SCP2: variants seen among roughly 807,000 people sequenced by gnomAD.
SCP2 encodes the protein sterol carrier protein 2.
SCP2 carries 48 observed loss-of-function variants against 71.4 expected under a neutral mutation model. The observed-to-expected ratio is 0.67, with a 90% CI of 0.53 to 0.86. The LOEUF (loss-of-function observed/expected upper bound fraction) is 0.86, where lower values mean the gene tolerates loss of function less well. Among genes scored for constraint, SCP2 ranks in the 40% least tolerant of loss-of-function variants. SCP2 has a pLI of 0.00. For synonymous variants in SCP2, 220 were observed against 218.1 expected (o/e 1.01, Z -0.08); for missense variants, 560 against 655.6 (o/e 0.85, Z 1.59).
At chr1:52,953,897 G>A (rs929673303) in intron 4 of SCP2, among the ~76,000 whole-genome samples, 2 of 150,668 alleles carry the variant, frequency 1.3e-5, no homozygotes. Flanking sequence ...CATGCAGACT[G>A]CTTGAGCCCA....
At chr1:52,998,104 T>G (rs968259843) in intron 11 of SCP2, among the ~76,000 whole-genome samples, 1 of 152,258 alleles carries the variant, frequency 6.6e-6, no homozygotes, top group Non-Finnish European at 1.5e-5. Flanking sequence ...CCAAGTAGTA[T>G]TCTATTGTTG....
In SCP2 at chr1:52,939,319, G is replaced by T. The variant is rs150132464; in HGVS notation, c.70-2477G>T. Among the ~76,000 whole-genome samples the T allele has an allele frequency of 2.9e-3, 436 of 152,308 alleles. 4 individuals are homozygous for T. Among genetic ancestry groups the T allele is most frequent in the African/African-American group, 9.9e-3 (410 of 41,572 alleles). ...CCAGCACTTTGAGAGGCTGAGGCAG[G>T]AGGATTGCTTGAGCCCCGGAGTTCG... On this transcript the variant is annotated intron_variant, in intron 1 of 15. Coordinates refer to ENST00000371514, the MANE Select transcript of SCP2 (RefSeq NM_002979.5).
chr1:52,990,019 A>C (rs1257417419), intron 11 of SCP2, among the ~76,000 whole-genome samples: 2 of 152,252 alleles, frequency 1.3e-5, no homozygotes, highest in Admixed American at 6.5e-5. Flanking sequence ...ATGCAGGTAG[A>C]GGTCCAGTAA....
At chr1:52,970,718 T>C (rs759121829) in intron 6 of SCP2, among the ~76,000 whole-genome samples, 4 of 152,072 alleles carry the variant, frequency 2.6e-5, no homozygotes, top group Non-Finnish European at 5.9e-5. Flanking sequence ...CCTGCGATTA[T>C]CTCCCCTCTT....
chr1:53,011,969 C>T (rs1220626695), intron 11 of SCP2, among the ~76,000 whole-genome samples: 3 of 152,140 alleles, frequency 2.0e-5, no homozygotes, highest in East Asian at 1.9e-4. Context: ...TTCTCCTGGC[C>T]TCCTGTCTCT....
At chr1:52,972,631 A>G (rs1657597900) in intron 6 of SCP2, among the ~76,000 whole-genome samples, 1 of 152,204 alleles carries the variant, frequency 6.6e-6, no homozygotes, top group Non-Finnish European at 1.5e-5. Context: ...AATTTTTAGG[A>G]GATTCCAATT....
chr1:52,961,362 T>C (rs1281710670), intron 5 of SCP2, 141 bp from the exon 6 acceptor site: 2 of 829,160 alleles, frequency 2.4e-6, no homozygotes, highest in Non-Finnish European at 4.0e-6. Flanking sequence ...GTGGAGCATG[T>C]CTTAACTGAT....
chr1:52,944,796 C>T (rs979215130), intron 2 of SCP2, among the ~76,000 whole-genome samples: 3 of 151,740 alleles, frequency 2.0e-5, no homozygotes, highest in Admixed American at 1.3e-4. Context: ...CCGAGGTGGG[C>T]GGAGCACCTG....
chr1:53,006,610 A>T (rs1660652793), intron 11 of SCP2, among the ~76,000 whole-genome samples: 1 of 152,252 alleles, frequency 6.6e-6, no homozygotes, highest in Non-Finnish European at 1.5e-5. Context: ...GGCCTGCCTT[A>T]CAAGAGCTCC....
chr1:52,928,897 G>T (rs1044717404), intron 1 of SCP2: 1 of 154,376 alleles, frequency 6.5e-6, no homozygotes, highest in African/African-American at 2.4e-5. Context: ...AGGATCTTTC[G>T]AAGTAAGGTA....
At chr1:53,016,272 G>A (rs974320783) in intron 12 of SCP2, among the ~76,000 whole-genome samples, 8 of 152,090 alleles carry the variant, frequency 5.3e-5, no homozygotes, top group African/African-American at 1.9e-4. Flanking sequence ...AATATCCACA[G>A]CACTTTGTAT....
At chr1:52,967,992 G>A (rs1303919034) in intron 6 of SCP2, among the ~76,000 whole-genome samples, 1 of 152,182 alleles carries the variant, frequency 6.6e-6, no homozygotes, top group East Asian at 1.9e-4. Flanking sequence ...TACTGAGTCA[G>A]TCACGACCCT....
intron 12 of SCP2, among the ~76,000 whole-genome samples, chr1:53,027,332 G>A (rs1014829070): frequency 1.4e-4 from 22 of 151,986 alleles, no homozygotes; most frequent in Admixed American, 1.4e-3. Flanking sequence ...AGGATTACAG[G>A]TGTGAGCCAC....
intron 15 of SCP2, chr1:53,048,311 G>A (rs1385930592): frequency 3.2e-5 from 10 of 312,440 alleles, no homozygotes; most frequent in African/African-American, 8.6e-5. Flanking sequence ...GTACCCAGGC[G>A]GAAAGTAGGA....
intron 14 of SCP2, among the ~76,000 whole-genome samples, chr1:53,046,748 G>A (rs781292941): frequency 6.6e-6 from 1 of 152,170 alleles, no homozygotes; most frequent in Non-Finnish European, 1.5e-5. Flanking sequence ...CACTACAGGG[G>A]CAGAATTGGG....
chr1:53,042,990 T>C (rs1663540654), intron 14 of SCP2, among the ~76,000 whole-genome samples: 1 of 150,072 alleles, frequency 6.7e-6, no homozygotes, highest in South Asian at 2.1e-4. Context: ...TTGATTAATC[T>C]AACATAACAT....
In SCP2 at chr1:53,051,257, A is replaced by G. The variant is rs1664180673; in HGVS notation, c.*553A>G. The G allele has an allele frequency of 3.9e-5, 6 of 152,338 alleles. No homozygotes were observed. Among genetic ancestry groups the G allele is most frequent in the Admixed American group, 3.3e-4 (5 of 15,290 alleles). The allele number at this position is 152,338 out of a possible 1,614,324, so 9.4% of individuals were successfully genotyped here. A position where few individuals can be genotyped will look rare whatever the true frequency, so the allele number is the denominator to read the frequency against. On this transcript the variant is annotated 3_prime_UTR_variant, in exon 16 of 16. Coordinates refer to ENST00000371514, the MANE Select transcript of SCP2 (RefSeq NM_002979.5). ...GTATTTTCTTCCCAAATCAAAATAA[A>G]AGAAATATGATCAGAGCTTGAACAC...
chr1:53,041,533 A>G (rs1049935263), intron 14 of SCP2, among the ~76,000 whole-genome samples: 1 of 152,184 alleles, frequency 6.6e-6, no homozygotes, highest in African/African-American at 2.4e-5. Flanking sequence ...GTTTTAGAGG[A>G]TGAAGCTGGT....
intron 13 of SCP2, among the ~76,000 whole-genome samples, chr1:53,033,262 T>C (rs1662678498): frequency 2.6e-5 from 4 of 152,332 alleles, no homozygotes; most frequent in Non-Finnish European, 2.9e-5. Context: ...CTAAGACCCA[T>C]GTCTAAGATT....
Sources: allele counts gnomAD v4.1 joint callset (sites outside exome capture counted in the v4.1 genomes callset), GRCh38; gene constraint gnomAD v4.1.1; transcripts MANE v1.5; gene names NCBI Gene and HGNC (gene_info 2026-07-23, HGNC 2026-07-21).